The following CNOT11 variants were observed in gnomAD, a reference collection of about 807,000 sequenced individuals.
CNOT11 encodes the protein UPF0760 protein C2orf29.
A neutral mutation model predicts 44.6 loss-of-function variants in CNOT11; 18 were observed. That is an observed-to-expected ratio of 0.40 (90% CI 0.28 to 0.60). The LOEUF is 0.60. CNOT11 is among the 20% of genes least tolerant of loss of function. The probability of loss-of-function intolerance (pLI) is 0.38; values close to 1 mark genes in which losing one functional copy is unlikely to be tolerated. For missense variants in CNOT11, 513 were observed against 677.0 expected, an observed-to-expected ratio of 0.76 and a Z score of 2.69; for synonymous variants, 291 against 270.9, an observed-to-expected ratio of 1.07 and a Z score of -0.73.
chr2:101,268,964 T>C, intron 5 of CNOT11, 76 bp from the exon 6 acceptor site: 1 of 936,472 alleles, frequency 1.1e-6, no homozygotes, highest in South Asian at 1.6e-5. Context: ...AAAGCAAATT[T>C]TGTATTTTAT....
intron 2 of CNOT11, among the ~76,000 whole-genome samples, chr2:101,260,379 C>T (rs1053523820): frequency 9.2e-5 from 14 of 151,944 alleles, no homozygotes; most frequent in African/African-American, 3.4e-4. Context: ...CCTTGAGTAG[C>T]CGTAAGAAAG....
Position 101,252,985 on chromosome 2 carries a change from C to A in CNOT11, c.21C>A (p.Ser7Arg). The change falls in exon 1 of 7, where the codon AGC (serine) becomes AGA (arginine). Residue 7 changes from serine (S) to arginine (R), a missense_variant. Physicochemically the swap from Ser to Arg is moderately radical, Grantham distance 110. Coordinates refer to ENST00000289382, the MANE Select transcript of CNOT11 (RefSeq NM_017546.5). ...GGTTGATGCCCGGCGGAGGGGCGAG[C>A]GCGGCGTCTGGCCGGCTTCTCACCG... MPGGGA[S>R]AASGRLLTAA... 6.7e-7 allele frequency: 1 copy of A among 1,490,348 alleles called. No individual in the cohort carries two copies. The highest frequency in any genetic ancestry group is 1.3e-5 in the South Asian group (1 of 79,384). The allele number at this position is 1,490,348 out of a possible 1,614,324, so 92.3% of individuals were successfully genotyped here. A position where few individuals can be genotyped will look rare whatever the true frequency, so the allele number is the denominator to read the frequency against.
chr2:101,266,972 T>C lies in CNOT11; in HGVS notation c.1238+93T>C, dbSNP rs930974546. ...GTAACAGATTTTTGTCTTGATATTA[T>C]TGGCGTAAGATTAACTATTAAAGAA... On this transcript the variant is annotated intron_variant, in intron 5 of 6. Coordinates refer to ENST00000289382, the MANE Select transcript of CNOT11 (RefSeq NM_017546.5). 5.1e-5 allele frequency: 45 copies of C among 890,262 alleles called. No homozygotes were observed. In the African/African-American group the frequency reaches 7.1e-4, roughly 14 times the overall value. The allele number at this position is 890,262 out of a possible 1,614,324, so 55.1% of individuals were successfully genotyped here. A position where few individuals can be genotyped will look rare whatever the true frequency, so the allele number is the denominator to read the frequency against.
At position 101,253,333 on chromosome 2, in the gene CNOT11, GCGCCTCACGGCGCTCTA is replaced by G; in HGVS notation, c.371_387del (p.Arg124ProfsTer90). The G allele has an allele frequency of 1.2e-6, 2 of 1,604,342 alleles. No individual in the cohort carries two copies. Among genetic ancestry groups the G allele is most frequent in the African/African-American group, 1.3e-5 (1 of 74,730 alleles). On this transcript the variant is annotated frameshift_variant, in exon 1 of 7. Transcript: ENST00000289382. LOFTEE classifies it high-confidence loss of function. This position sits in a 1 kb window ranked among gnomAD's most constrained non-coding sequence, Gnocchi z 4.3. Reference sequence around the variant, plus strand: ...CCGACCTGCTGCCTAGCGCGGCGCAGCGCCTCACGGCGCTCTACCTGCTCTGGGAGATGTACCGCACC... The same window carrying G: ...CCGACCTGCTGCCTAGCGCGGCGCAGCCTGCTCTGGGAGATGTACCGCACC...
rs1412048434 is a variant in CNOT11, at chr2:101,269,636, A to G, written c.*223A>G. ...TTAGGTGTCTTGCTGATGACTATCC[A>G]TAGGAGGAATGGCTATCCCAAAAAA... On this transcript the variant is annotated 3_prime_UTR_variant, in exon 7 of 7. Transcript: ENST00000289382. The surrounding 1 kb of genome is among the most constrained non-coding windows in gnomAD (Gnocchi z 4.8). 2.6e-6 allele frequency: 1 copy of G among 391,382 alleles called. No individual in the cohort carries two copies. Among genetic ancestry groups the G allele is most frequent in the East Asian group, 3.8e-5 (1 of 26,408 alleles). 24.2% of individuals were successfully genotyped at this position (391,382 alleles called of 1,614,324 possible).
At position 101,253,493 on chromosome 2, in the gene CNOT11, C is replaced by T. The variant is rs1681673066; in HGVS notation, c.514+15C>T. On this transcript the variant is annotated intron_variant, in intron 1 of 6. Transcript: ENST00000289382. This position sits in a 1 kb window ranked among gnomAD's most constrained non-coding sequence, Gnocchi z 4.3. ...TCCGCTCTCAGGTACCTCCTGAAGCCAGCTGTGCCGTGTGGATAGCGTTAG... is the reference window on the plus strand; with the variant it reads ...TCCGCTCTCAGGTACCTCCTGAAGCTAGCTGTGCCGTGTGGATAGCGTTAG... The T allele has an allele frequency of 1.4e-6, 2 of 1,446,440 alleles. No homozygotes were observed. The highest frequency in any genetic ancestry group is 1.8e-6 in the Non-Finnish European group (2 of 1,108,710). The allele number at this position is 1,446,440 out of a possible 1,614,324, so 89.6% of individuals were successfully genotyped here.
At chr2:101,266,656 T>C (rs953146754) in intron 4 of CNOT11, 21 bp from the exon 5 acceptor site, 7 of 1,592,126 alleles carry the variant, frequency 4.4e-6, no homozygotes, top group South Asian at 1.1e-5. Flanking sequence ...CTCTCTCTCT[T>C]TAAAAATCTG....
chr2:101,263,279 C>T (rs568969864), intron 3 of CNOT11, among the ~76,000 whole-genome samples: 4 of 151,646 alleles, frequency 2.6e-5, no homozygotes, highest in South Asian at 2.1e-4. Context: ...AGCTCATTAT[C>T]TTTTTGTTTT....
At position 101,253,131 on chromosome 2, in the gene CNOT11, G is replaced by A. The variant is rs1553435301; in HGVS notation, c.167G>A (p.Gly56Asp). 1 of 1,546,634 alleles carries A rather than the reference G, an allele frequency of 6.5e-7. No individual in the cohort carries two copies. The highest frequency in any genetic ancestry group is 8.7e-7 in the Non-Finnish European group (1 of 1,153,990). The change falls in exon 1 of 7, where the codon GGC becomes GAC. Residue 56 changes from glycine to aspartate, a missense_variant. Physicochemically the swap from Gly to Asp is moderately conservative, Grantham distance 94 (BLOSUM62 -1). This residue lies in a region of CNOT11 where 259 missense variants were observed against 265.7 expected (regional missense o/e 0.97). Coordinates refer to ENST00000289382, the MANE Select transcript of CNOT11 (RefSeq NM_017546.5). This position sits in a 1 kb window ranked among gnomAD's most constrained non-coding sequence, Gnocchi z 4.3. ...GPGSGSGGPGGPAGRMSLTPK... is the reference protein window; with the variant it reads ...GPGSGSGGPGDPAGRMSLTPK... ...GGGTCCGGGAGCGGAGGCCCGGGGG[G>A]CCCCGCGGGCAGGATGAGCTTGACC...
Position 101,264,842 on chromosome 2 carries a change from C to T in CNOT11, c.833-3C>T, listed in dbSNP as rs778494432. ...GGAGCAACTATCACGGCTCTCATTA[C>T]AGGCCATTTTCGACCAGAGTTTATT... On this transcript the variant is annotated splice_polypyrimidine_tract_variant and splice_region_variant and intron_variant, in intron 3 of 6. Transcript: ENST00000289382. 1.9e-6 allele frequency: 3 copies of T among 1,613,558 alleles called. No individual in the cohort carries two copies. The highest frequency in any genetic ancestry group is 1.1e-5 in the South Asian group (1 of 91,050).
rs1681861880 is a variant in CNOT11, at chr2:101,261,511, G to T, written c.680-1028G>T. 2.0e-5 allele frequency among the ~76,000 whole-genome samples: 3 copies of T among 152,054 alleles called. 1 individual carries two copies. The South Asian group carries it at 6.2e-4, about 32-fold the overall frequency. On this transcript the variant is annotated intron_variant, in intron 2 of 6. Coordinates refer to ENST00000289382, the MANE Select transcript of CNOT11 (RefSeq NM_017546.5). ...TGAACATTCTTGCACATTATTCTGG[G>T]GCGCGTGTGAAAGTGTGTCTCCTAG...
Position 101,253,993 on chromosome 2 carries a change from G to T in CNOT11, c.514+515G>T, listed in dbSNP as rs528621685. 6.6e-6 allele frequency among the ~76,000 whole-genome samples: 1 copy of T among 152,178 alleles called. No homozygotes were observed. Among genetic ancestry groups the T allele is most frequent in the Non-Finnish European group, 1.5e-5 (1 of 68,036 alleles). ...AGAGGATAGAAAGTCTCAAATTGATGATCTCGCGTTTGGAAACACATGACT... is the reference window on the plus strand; with the variant it reads ...AGAGGATAGAAAGTCTCAAATTGATTATCTCGCGTTTGGAAACACATGACT... On this transcript the variant is annotated intron_variant, in intron 1 of 6. Coordinates refer to ENST00000289382, the MANE Select transcript of CNOT11 (RefSeq NM_017546.5). This position sits in a 1 kb window ranked among gnomAD's most constrained non-coding sequence, Gnocchi z 4.3.
Position 101,253,523 on chromosome 2 carries a change from C to T in CNOT11, c.514+45C>T, listed in dbSNP as rs780010025. The T allele has an allele frequency of 1.4e-6, 2 of 1,385,418 alleles. No individual in the cohort carries two copies. The highest frequency in any genetic ancestry group is 1.9e-4 in the Middle Eastern group (1 of 5,394). The allele number at this position is 1,385,418 out of a possible 1,614,324, so 85.8% of individuals were successfully genotyped here. ...GTGCCGTGTGGATAGCGTTAGATTCCGCAGCTTTCCACCTGCGCTGCTGGG... is the reference window on the plus strand; with the variant it reads ...GTGCCGTGTGGATAGCGTTAGATTCTGCAGCTTTCCACCTGCGCTGCTGGG... On this transcript the variant is annotated intron_variant, in intron 1 of 6. Coordinates refer to ENST00000289382, the MANE Select transcript of CNOT11 (RefSeq NM_017546.5). This position sits in a 1 kb window ranked among gnomAD's most constrained non-coding sequence, Gnocchi z 4.3.
intron 5 of CNOT11, among the ~76,000 whole-genome samples, 175 bp from the exon 6 acceptor site, chr2:101,268,865 G>A (rs1248678975): frequency 2.0e-5 from 3 of 152,174 alleles, no homozygotes; most frequent in African/African-American, 7.2e-5. Context: ...TGTTATTTAT[G>A]AGTAAGTAGG....
chr2:101,269,679 G>C lies in CNOT11; in HGVS notation c.*266G>C, dbSNP rs756050769. On this transcript the variant is annotated 3_prime_UTR_variant, in exon 7 of 7. Coordinates refer to ENST00000289382, the MANE Select transcript of CNOT11 (RefSeq NM_017546.5). The surrounding 1 kb of genome is among the most constrained non-coding windows in gnomAD (Gnocchi z 4.8). Reference sequence around the variant, plus strand: ...CCAAAAAAAGTTCCGCAAAAAAGTAGATGAGTTTCTTTTTTTTTTAAGCAC... The same window carrying C: ...CCAAAAAAAGTTCCGCAAAAAAGTACATGAGTTTCTTTTTTTTTTAAGCAC... The C allele has an allele frequency of 3.1e-5, 10 of 317,544 alleles. No individual in the cohort carries two copies. Among genetic ancestry groups the C allele is most frequent in the Non-Finnish European group, 5.7e-5 (10 of 174,940 alleles). The allele number at this position is 317,544 out of a possible 1,614,324, so 19.7% of individuals were successfully genotyped here.
intron 2 of CNOT11, among the ~76,000 whole-genome samples, chr2:101,261,841 TTTC>T (rs1297474898): frequency 8.3e-5 from 11 of 131,976 alleles, no homozygotes; most frequent in African/African-American, 2.9e-4. Context: ...GGTTTCTTTC[TTTC>T]TTTTTTTTTT....
Position 101,264,631 on chromosome 2 carries a change from C to A in CNOT11, c.833-214C>A, listed in dbSNP as rs568420560. On this transcript the variant is annotated intron_variant, in intron 3 of 6. Transcript: ENST00000289382. ...AAGCGAATAGATTGTTCTCTGGCAT[C>A]ATGCTGGCATAGTGTTCTTTCATTG... Among the ~76,000 whole-genome samples, 6 of 152,336 alleles carry A rather than the reference C, an allele frequency of 3.9e-5. No individual in the cohort carries two copies. The South Asian group carries it at 1.2e-3, about 32-fold the overall frequency.
chr2:101,254,980 C>T (rs1681706631), intron 1 of CNOT11, among the ~76,000 whole-genome samples: 1 of 152,268 alleles, frequency 6.6e-6, no homozygotes, highest in South Asian at 2.1e-4. Flanking sequence ...GGCAAAGAAA[C>T]CGTGACTTAT....
chr2:101,269,525 T>G lies in CNOT11; in HGVS notation c.*112T>G, dbSNP rs1682062940. The G allele has an allele frequency of 1.2e-6, 1 of 850,950 alleles. No homozygotes were observed. Among genetic ancestry groups the G allele is most frequent in the African/African-American group, 1.7e-5 (1 of 58,556 alleles). The allele number at this position is 850,950 out of a possible 1,614,324, so 52.7% of individuals were successfully genotyped here. A position where few individuals can be genotyped will look rare whatever the true frequency, so the allele number is the denominator to read the frequency against. Reference sequence around the variant, plus strand: ...TGGTTTAATGCATATAAACAGTACTTTATCTACTTAAAGCAAAGTTTTGCT... The same window carrying G: ...TGGTTTAATGCATATAAACAGTACTGTATCTACTTAAAGCAAAGTTTTGCT... On this transcript the variant is annotated 3_prime_UTR_variant, in exon 7 of 7. Coordinates refer to ENST00000289382, the MANE Select transcript of CNOT11 (RefSeq NM_017546.5). The surrounding 1 kb of genome is among the most constrained non-coding windows in gnomAD (Gnocchi z 4.8).
Sources: gnomAD v4.1 joint callset for allele counts (sites outside exome capture counted in the v4.1 genomes callset) on GRCh38, gnomAD v4.1.1 for gene constraint, gnomAD v4.1.1 regional missense constraint, Gnocchi (gnomAD v3.1) non-coding constraint, MANE v1.5 for transcripts, NCBI Gene and HGNC (gene_info 2026-07-23, HGNC 2026-07-21) for gene names.